Variants in LRP1B observed in about 807,000 individuals in gnomAD.
LRP1B encodes the protein low-density lipoprotein receptor-related protein 1B.
In LRP1B, 217 loss-of-function variants were observed where a neutral mutation model predicts 556.6. The ratio of observed to expected loss-of-function variants is 0.39; its 90% CI spans 0.35 to 0.44. The LOEUF (loss-of-function observed/expected upper bound fraction) is 0.44. Ranked by LOEUF, LRP1B falls within the 20% of genes least tolerant of loss-of-function variation. The pLI is 1.00. For missense variants in LRP1B, 5,053 were observed against 5,620.8 expected (o/e 0.90, Z 3.23); for synonymous variants, 2,047 against 1,865.8 (o/e 1.10, Z -2.50).
At chr2:141,487,662 A>C (rs1683171100) in intron 2 of LRP1B, among the ~76,000 whole-genome samples, 1 of 152,112 alleles carries the variant, frequency 6.6e-6, no homozygotes, top group Non-Finnish European at 1.5e-5. Flanking sequence ...CCCAAAATAC[A>C]CCAAATATAT....
chr2:141,619,861 C>T (rs527942160), intron 2 of LRP1B, among the ~76,000 whole-genome samples: 28 of 152,312 alleles, frequency 1.8e-4, no homozygotes, highest in Non-Finnish European at 3.4e-4. Flanking sequence ...GATCCACCCA[C>T]TCTAAAACCA....
intron 41 of LRP1B, among the ~76,000 whole-genome samples, chr2:140,674,648 G>T (rs1685607759): frequency 1.3e-5 from 2 of 152,104 alleles, no homozygotes; most frequent in South Asian, 4.1e-4. Context: ...GATGTCTTAT[G>T]TCTCCCTAAA....
rs575299556 is a variant in LRP1B, at chr2:141,983,672, T to G, written c.82+146976A>C. Among the ~76,000 whole-genome samples, 4 of 152,312 alleles carry G rather than the reference T, an allele frequency of 2.6e-5. No homozygotes were observed. In the South Asian group the frequency reaches 6.2e-4, roughly 24 times the overall value. ...AATCTATAAAAGTTTCAAACATGCT[T>G]GTTGAAATTCATAGTCAGATATTGG... On this transcript the variant is annotated intron_variant, in intron 1 of 90. Transcript: ENST00000389484.
At chr2:140,800,982 A>G (rs1559127077) in intron 32 of LRP1B, among the ~76,000 whole-genome samples, 1 of 152,170 alleles carries the variant, frequency 6.6e-6, no homozygotes. Flanking sequence ...CATTTTACAT[A>G]AAATGGCCAT....
intron 2 of LRP1B, among the ~76,000 whole-genome samples, chr2:141,730,034 A>G (rs1040312360): frequency 1.3e-5 from 2 of 152,130 alleles, no homozygotes; most frequent in African/African-American, 4.8e-5. Flanking sequence ...CCCCCAACAG[A>G]CACAAAGGCA....
At chr2:141,914,202 A>G (rs2104958534) in intron 1 of LRP1B, among the ~76,000 whole-genome samples, 1 of 152,366 alleles carries the variant, frequency 6.6e-6, no homozygotes, top group South Asian at 2.1e-4. Context: ...AAATTCCTGT[A>G]CTATGCAAAC....
At position 140,856,738 on chromosome 2, in the gene LRP1B, TACACACAC is replaced by T. The variant is rs57220779; in HGVS notation, c.4580-4963_4580-4956del. On this transcript the variant is annotated intron_variant, in intron 27 of 90. Coordinates refer to ENST00000389484, the MANE Select transcript of LRP1B (RefSeq NM_018557.3). ...ATACGCTGGCGGGAACTAAGAGAGA[TACACACAC>T]ACACACACACACACACACACACACA... Among the ~76,000 whole-genome samples, 1,084 of 148,458 alleles carry T rather than the reference TACACACAC, an allele frequency of 7.3e-3. 18 individuals carry two copies. The highest frequency in any genetic ancestry group is 0.024 in the African/African-American group (974 of 39,816).
intron 3 of LRP1B, among the ~76,000 whole-genome samples, chr2:141,279,278 GA>G (rs151008493): frequency 0.1 from 15,817 of 151,914 alleles, 983 homozygotes; most frequent in African/African-American, 0.16. Flanking sequence ...GTATTTTGGG[GA>G]AGGAATCAAG....
intron 3 of LRP1B, among the ~76,000 whole-genome samples, chr2:141,321,532 C>T (rs1054093143): frequency 1.3e-5 from 2 of 152,060 alleles, no homozygotes; most frequent in African/African-American, 2.4e-5. Flanking sequence ...ATAACCCGCT[C>T]ATATTCCTAT....
chr2:140,839,473 A>C (rs1692029987), intron 31 of LRP1B, among the ~76,000 whole-genome samples: 1 of 152,114 alleles, frequency 6.6e-6, no homozygotes, highest in Admixed American at 6.5e-5. Context: ...GCTAGCGTAA[A>C]AGCAGGCAGA....
intron 35 of LRP1B, among the ~76,000 whole-genome samples, chr2:140,729,054 A>G (rs1303306330): frequency 6.6e-6 from 1 of 152,052 alleles, no homozygotes; most frequent in African/African-American, 2.4e-5. Flanking sequence ...AATTTGGTTT[A>G]ACATAATATT....
chr2:140,680,474 A>G (rs867320000), intron 41 of LRP1B, among the ~76,000 whole-genome samples: 3 of 152,262 alleles, frequency 2.0e-5, no homozygotes, highest in Middle Eastern at 3.4e-3. Context: ...GCTACTTCAG[A>G]CTGAATTAAG....
intron 2 of LRP1B, among the ~76,000 whole-genome samples, 166 bp downstream of exon 2, chr2:141,810,113 A>AAGAAAGAAAGAAAGAAAG: frequency 1.3e-5 from 1 of 77,930 alleles, no homozygotes; most frequent in East Asian, 3.8e-4. Context: ...GAAAGAAAGA[A>AAGAAAGAAAGAAAGAAAG]AAAGAAAGAA....
chr2:141,613,204 C>G (rs908711774), intron 2 of LRP1B, among the ~76,000 whole-genome samples: 4 of 151,932 alleles, frequency 2.6e-5, no homozygotes, highest in African/African-American at 9.7e-5. Context: ...TTGTTTCTGC[C>G]TACCTGCTTA....
At chr2:141,210,069 GA>G (rs72137174) in intron 6 of LRP1B, among the ~76,000 whole-genome samples, 232 of 147,260 alleles carry the variant, frequency 1.6e-3, no homozygotes, top group African/African-American at 5.2e-3. Flanking sequence ...GTTACAGCCT[GA>G]AAAAAAAAAA....
intron 87 of LRP1B, among the ~76,000 whole-genome samples, chr2:140,239,833 T>G (rs1680873226): frequency 1.3e-5 from 2 of 151,074 alleles, no homozygotes; most frequent in South Asian, 4.2e-4. Flanking sequence ...ACACATTTAC[T>G]AGCAATGATG....
At chr2:141,082,509 A>G (rs1162072638) in intron 7 of LRP1B, among the ~76,000 whole-genome samples, 1 of 152,264 alleles carries the variant, frequency 6.6e-6, no homozygotes, top group East Asian at 1.9e-4. Context: ...TGGCCAAAAC[A>G]GCTAGGGAAT....
chr2:141,366,880 G>A (rs868633179), intron 3 of LRP1B, among the ~76,000 whole-genome samples: 49 of 152,210 alleles, frequency 3.2e-4, no homozygotes, highest in Middle Eastern at 6.8e-3. Context: ...TCGATCTTTG[G>A]TATCCCATTA....
At chr2:142,111,130 G>A (rs1230748353) in intron 1 of LRP1B, among the ~76,000 whole-genome samples, 1 of 152,082 alleles carries the variant, frequency 6.6e-6, no homozygotes, top group African/African-American at 2.4e-5. Flanking sequence ...GGGCAAAACT[G>A]GAGATCCAGA....
Sources: allele counts gnomAD v4.1 joint callset (sites outside exome capture counted in the v4.1 genomes callset), GRCh38; gene constraint gnomAD v4.1.1; transcripts MANE v1.5; gene names NCBI Gene and HGNC (gene_info 2026-07-23, HGNC 2026-07-21).